The following SP140 variants were observed in gnomAD, a reference collection of about 807,000 sequenced individuals.
The protein encoded by SP140 is nuclear body protein SP140.
In SP140, 81 loss-of-function variants were observed where a neutral mutation model predicts 125.0. The observed-to-expected ratio is 0.65, with a 90% confidence interval of 0.54 to 0.78. The LOEUF (loss-of-function observed/expected upper bound fraction) is 0.78, where lower values mean the gene tolerates loss of function less well. Ranked by LOEUF, SP140 falls within the 30% of genes least tolerant of loss-of-function variation. The pLI, the probability that SP140 is intolerant of heterozygous loss-of-function variation, is 0.00. For missense variants in SP140, 858 were observed against 1,037.0 expected (o/e 0.83, Z 2.37); for synonymous variants, 312 against 354.0 (o/e 0.88, Z 1.33).
At chr2:230,300,928 T>C (rs754969686) in intron 22 of SP140, among the ~76,000 whole-genome samples, 2 of 152,096 alleles carry the variant, frequency 1.3e-5, no homozygotes, top group Non-Finnish European at 2.9e-5. Context: ...TGAAAAAGTC[T>C]CCAGAGAAAT....
At chr2:230,255,305 C>A (rs2050988645) in intron 11 of SP140, 147 bp from the exon 12 acceptor site, 2 of 810,330 alleles carry the variant, frequency 2.5e-6, no homozygotes, top group Admixed American at 2.4e-5. Flanking sequence ...GCCAGGTGAA[C>A]CCACAGGGCA....
At chr2:230,261,763 T>C (rs1210040173) in intron 12 of SP140, among the ~76,000 whole-genome samples, 1 of 152,192 alleles carries the variant, frequency 6.6e-6, no homozygotes, top group East Asian at 1.9e-4. Context: ...ATTTATTGAC[T>C]TGCATATGTT....
intron 12 of SP140, 152 bp downstream of exon 12, chr2:230,255,684 G>GA: frequency 2.9e-6 from 2 of 693,606 alleles, no homozygotes; most frequent in Non-Finnish European, 4.8e-6. Flanking sequence ...TTCTGTACAT[G>GA]AATCTTTTGT....
At chr2:230,265,930 C>T (rs1175931473) in intron 12 of SP140, among the ~76,000 whole-genome samples, 2 of 152,078 alleles carry the variant, frequency 1.3e-5, no homozygotes, top group African/African-American at 4.8e-5. Flanking sequence ...GAAAGGGAGA[C>T]AGGAGACCTG....
At position 230,278,486 on chromosome 2, in the gene SP140, CA is replaced by C. The variant is rs2055047567; in HGVS notation, c.1499-5856del. On this transcript the variant is annotated intron_variant, in intron 15 of 26. Coordinates refer to ENST00000392045, the MANE Select transcript of SP140 (RefSeq NM_007237.5). ...TTTTACAATTATTTCATTTGCTGTA[CA>C]AAAGCTTTTTAGAGTGATGTAGGTC... 2.6e-5 allele frequency among the ~76,000 whole-genome samples: 4 copies of C among 151,970 alleles called. No individual in the cohort carries two copies. The South Asian group carries it at 8.3e-4, about 32-fold the overall frequency.
At chr2:230,224,671 C>T (rs935312138), upstream of SP140, among the ~76,000 whole-genome samples, 1 of 152,164 alleles carries the variant, frequency 6.6e-6, no homozygotes, top group Admixed American at 6.5e-5. Context: ...CTGTATTTTG[C>T]AAACTTATGT....
At chr2:230,221,277 T>C (rs1430719263), upstream of SP140, among the ~76,000 whole-genome samples, 2 of 144,082 alleles carry the variant, frequency 1.4e-5, no homozygotes, top group East Asian at 4.0e-4. Flanking sequence ...CAAGACTCCA[T>C]CTCGAAAAAA....
At chr2:230,189,103 T>G in the SP140 span, among the ~76,000 whole-genome samples, 263 of 146,788 alleles carry the variant, frequency 1.8e-3, no homozygotes, top group Non-Finnish European at 3.2e-3. Context: ...TCTTTTTTTT[T>G]GGTTACTCTG....
chr2:230,306,479 C>T (rs13007094), intron 22 of SP140, among the ~76,000 whole-genome samples: 27,164 of 152,282 alleles, frequency 0.18, 2,893 homozygotes, highest in Non-Finnish European at 0.24. Flanking sequence ...GCTCGCCATG[C>T]GCAACTGCAG....
chr2:230,236,629 G>A (rs988264756), intron 1 of SP140, among the ~76,000 whole-genome samples: 2 of 152,128 alleles, frequency 1.3e-5, no homozygotes, highest in Admixed American at 6.6e-5. Flanking sequence ...CTTTCAATTG[G>A]TTGGGCAAGC....
chr2:230,237,219 G>T lies in SP140; in HGVS notation c.196G>T (p.Gly66Cys). 2 of 1,611,616 alleles carry T rather than the reference G, an allele frequency of 1.2e-6. No individual in the cohort carries two copies. The highest frequency in any genetic ancestry group is 2.2e-5 in the South Asian group (2 of 90,854). Residue 66 changes from glycine (G) to cysteine (C), a missense_variant, in exon 2 of 27, where the codon GGC (glycine) becomes TGC (cysteine). Coordinates refer to ENST00000392045, the MANE Select transcript of SP140 (RefSeq NM_007237.5). This position sits in a 1 kb window ranked among gnomAD's most constrained non-coding sequence, Gnocchi z 5.4. ...AITRPFPFLMGLRDRSFISEQ... is the reference protein window; with the variant it reads ...AITRPFPFLMCLRDRSFISEQ... ...AACAAGGCCATTTCCTTTCCTTATG[G>T]GCCTCCGAGACCGCTCCTTCATCTC...
the SP140 span, among the ~76,000 whole-genome samples, chr2:230,190,778 TA>T: frequency 6.6e-6 from 1 of 152,254 alleles, no homozygotes; most frequent in African/African-American, 2.4e-5. Context: ...TGCATATGGA[TA>T]GCCAGTTTTC....
chr2:230,301,830 G>C (rs540370156), intron 22 of SP140, among the ~76,000 whole-genome samples: 66 of 152,244 alleles, frequency 4.3e-4, no homozygotes, highest in Non-Finnish European at 6.2e-4. Flanking sequence ...TCACTTAAAA[G>C]ATACAGAATG....
chr2:230,212,998 C>A (rs752311175), intron 1 of SP140: 1 of 1,614,000 alleles, frequency 6.2e-7, no homozygotes, highest in Non-Finnish European at 8.5e-7. Context: ...ATTGGTGTGT[C>A]TCTGCTCTGC....
At chr2:230,227,793 G>A (rs919746822) in intron 1 of SP140, among the ~76,000 whole-genome samples, 11 of 151,940 alleles carry the variant, frequency 7.2e-5, no homozygotes, top group Admixed American at 2.6e-4. Context: ...GATGATTTCC[G>A]TCTTCTCTAT....
At chr2:230,224,713 CAGAAAA>C (rs1303065587), upstream of SP140, among the ~76,000 whole-genome samples, 1 of 152,114 alleles carries the variant, frequency 6.6e-6, no homozygotes, top group Non-Finnish European at 1.5e-5. Context: ...TGTAATGAAC[CAGAAAA>C]AGTAGGATTC....
upstream of SP140, among the ~76,000 whole-genome samples, chr2:230,199,128 CTAT>C (rs200457151): frequency 3.6e-5 from 5 of 140,286 alleles, no homozygotes; most frequent in Non-Finnish European, 6.0e-5. Flanking sequence ...GCTTTAGCTA[CTAT>C]TATTATTATT....
At chr2:230,271,460 C>G (rs2053915947) in intron 15 of SP140, among the ~76,000 whole-genome samples, 1 of 152,164 alleles carries the variant, frequency 6.6e-6, no homozygotes, top group South Asian at 2.1e-4. Context: ...AAACCTGGAT[C>G]ATCATGAGCA....
At chr2:230,270,563 C>T (rs1167845497) in intron 14 of SP140, 23 bp from the exon 15 acceptor site, 1 of 1,598,284 alleles carries the variant, frequency 6.3e-7, no homozygotes, top group East Asian at 2.2e-5. Context: ...TCTGTTTCCT[C>T]ACCACCACTT....
Sources: allele counts gnomAD v4.1 joint callset (sites outside exome capture counted in the v4.1 genomes callset), GRCh38; gene constraint gnomAD v4.1.1; non-coding constraint Gnocchi (gnomAD v3.1); transcripts MANE v1.5; gene names NCBI Gene and HGNC (gene_info 2026-07-23, HGNC 2026-07-21).